DOCK2: variants seen among roughly 807,000 people sequenced by gnomAD.
DOCK2 encodes the protein dedicator of cytokinesis 2, also known as dedicator of cytokinesis protein 2.
Under a neutral mutation model 248.9 loss-of-function variants are expected in DOCK2, and 87 were observed. The ratio of observed to expected loss-of-function variants is 0.35; its 90% CI spans 0.29 to 0.42. The LOEUF (loss-of-function observed/expected upper bound fraction) is 0.42. Among genes scored for constraint, DOCK2 ranks in the 10% least tolerant of loss-of-function variants. The probability of loss-of-function intolerance (pLI) is 1.00; values close to 1 mark genes in which losing one functional copy is unlikely to be tolerated. For synonymous variants in DOCK2, 805 were observed against 821.6 expected, an observed-to-expected ratio of 0.98 and a Z score of 0.35; for missense variants, 1,747 against 2,300.2, an observed-to-expected ratio of 0.76 and a Z score of 4.92.
chr5:169,684,246 C>A lies in DOCK2; in HGVS notation c.657C>A (p.Pro219=), dbSNP rs34039776. The part of the protein sequence containing the change: ...YAMYSRISSS[P]THSLYVFVRN... ...TGTATTCCCGGATCTCCTCATCCCC[C>A]ACCCATAGCCTCTATGTGTTTGTGA... Residue 219 remains proline (P), a synonymous_variant, in exon 8 of 52, where the codon CCC becomes CCA. Coordinates refer to ENST00000520908, the MANE Select transcript of DOCK2 (RefSeq NM_004946.3). 1.2e-6 allele frequency: 2 copies of A among 1,614,202 alleles called. No individual in the cohort carries two copies. Among genetic ancestry groups the A allele is most frequent in the Middle Eastern group, 1.6e-4 (1 of 6,062 alleles).
intron 5 of DOCK2, among the ~76,000 whole-genome samples, 192 bp downstream of exon 5, chr5:169,671,366 A>T (rs1759044805): frequency 1.3e-5 from 2 of 152,218 alleles, no homozygotes; most frequent in Admixed American, 1.3e-4. Context: ...AGAGCTAGTG[A>T]CAGAGCCATA....
intron 27 of DOCK2, chr5:169,934,760 A>G: frequency 2.2e-6 from 1 of 454,680 alleles, no homozygotes; most frequent in Non-Finnish European, 4.4e-6. Context: ...TGCTCAGTAA[A>G]TGCTAGTTAT....
intron 22 of DOCK2, among the ~76,000 whole-genome samples, chr5:169,742,685 G>A (rs1469770357): frequency 6.6e-6 from 1 of 152,188 alleles, no homozygotes; most frequent in Non-Finnish European, 1.5e-5. Context: ...CCTGAGGTTG[G>A]CATCTCAGTT....
intron 27 of DOCK2, among the ~76,000 whole-genome samples, chr5:169,909,092 A>G (rs1774452506): frequency 6.6e-6 from 1 of 152,180 alleles, no homozygotes; most frequent in Non-Finnish European, 1.5e-5. Flanking sequence ...TGCTGATGTG[A>G]GGAGAGTCTG....
chr5:169,694,061 G>A (rs772521752), intron 9 of DOCK2, among the ~76,000 whole-genome samples: 33 of 152,278 alleles, frequency 2.2e-4, no homozygotes, highest in East Asian at 9.6e-4. Flanking sequence ...AAATTTAACC[G>A]TCATGGTCCC....
chr5:169,709,393 T>A (rs1224574987), intron 15 of DOCK2, among the ~76,000 whole-genome samples: 1 of 152,120 alleles, frequency 6.6e-6, no homozygotes, highest in Admixed American at 6.6e-5. Context: ...GAATACTAAG[T>A]GGTGTTTTAT....
rs1178467058 is a variant in DOCK2 at position 169,764,731 on chromosome 5, T to C, written c.2554+3106T>C. Among the ~76,000 whole-genome samples the C allele has an allele frequency of 1.3e-5, 2 of 152,206 alleles. No homozygotes were observed. Among genetic ancestry groups the C allele is most frequent in the African/African-American group, 4.8e-5 (2 of 41,450 alleles). ...AATAAGGGCATCCCTTAACGTTTGA[T>C]AGTTGCACACAACCCTCAACTACAT... On this transcript the variant is annotated intron_variant, in intron 25 of 51. Coordinates refer to ENST00000520908, the MANE Select transcript of DOCK2 (RefSeq NM_004946.3). This position sits in a 1 kb window ranked among gnomAD's most constrained non-coding sequence, Gnocchi z 4.3.
chr5:169,996,657 G>A (rs1754648225), intron 30 of DOCK2, among the ~76,000 whole-genome samples: 1 of 152,160 alleles, frequency 6.6e-6, no homozygotes, highest in Non-Finnish European at 1.5e-5. Context: ...GGGGCAAACA[G>A]AATGACACAC....
At chr5:169,710,475 C>CA in intron 15 of DOCK2, among the ~76,000 whole-genome samples, 1 of 152,184 alleles carries the variant, frequency 6.6e-6, no homozygotes, top group Non-Finnish European at 1.5e-5. Context: ...TGGAATAATT[C>CA]CTTGACAGAA....
At chr5:169,942,462 T>C (rs1375915348) in intron 27 of DOCK2, among the ~76,000 whole-genome samples, 2 of 152,210 alleles carry the variant, frequency 1.3e-5, no homozygotes, top group African/African-American at 4.8e-5. Context: ...GCCACACAGA[T>C]GTTCAAGTGG....
intron 27 of DOCK2, among the ~76,000 whole-genome samples, chr5:169,936,308 A>G (rs1165764420): frequency 1.4e-4 from 22 of 152,176 alleles, no homozygotes; most frequent in Admixed American, 1.4e-3. Context: ...AGGCTGCAGC[A>G]AGGGCAGTGG....
chr5:169,700,943 G>GAGGAAGAA (rs1760934394), intron 13 of DOCK2, among the ~76,000 whole-genome samples: 1 of 150,270 alleles, frequency 6.7e-6, no homozygotes. Context: ...AAAAGAAGGA[G>GAGGAAGAA]AGAAAGAAAG....
intron 27 of DOCK2, chr5:169,882,654 T>G (rs1581351322): frequency 3.9e-6 from 6 of 1,552,110 alleles, no homozygotes; most frequent in Non-Finnish European, 4.4e-6. Context: ...CAGATTGCAG[T>G]CGGCCTTGGA....
At chr5:170,010,790 C>T (rs1395132984) in intron 32 of DOCK2, among the ~76,000 whole-genome samples, 4 of 152,186 alleles carry the variant, frequency 2.6e-5, no homozygotes, top group African/African-American at 9.7e-5. Flanking sequence ...GGCTTCCTTC[C>T]CCAGCTCGAC....
chr5:169,845,476 T>C (rs1422720567), intron 27 of DOCK2, among the ~76,000 whole-genome samples: 1 of 152,158 alleles, frequency 6.6e-6, no homozygotes, highest in Non-Finnish European at 1.5e-5. Flanking sequence ...TGGCGTGCAG[T>C]GGGTACCCAA....
intron 2 of DOCK2, among the ~76,000 whole-genome samples, chr5:169,662,142 A>G (rs1391437870): frequency 1.3e-5 from 2 of 152,098 alleles, no homozygotes; most frequent in Non-Finnish European, 2.9e-5. Context: ...TGACTTTTTG[A>G]TAATAGCCAT....
chr5:169,823,923 T>G (rs935893056), intron 26 of DOCK2, among the ~76,000 whole-genome samples: 3 of 152,306 alleles, frequency 2.0e-5, no homozygotes, highest in Admixed American at 6.5e-5. Context: ...TTCAGCAAAG[T>G]CTCAGGATAC....
chr5:169,729,313 C>G (rs1762643917), intron 22 of DOCK2, among the ~76,000 whole-genome samples: 1 of 152,184 alleles, frequency 6.6e-6, no homozygotes, highest in South Asian at 2.1e-4. Flanking sequence ...GCAGGCATCA[C>G]CCCGAAGGAG....
At chr5:169,697,105 C>T (rs1760677185) in intron 10 of DOCK2, among the ~76,000 whole-genome samples, 1 of 152,006 alleles carries the variant, frequency 6.6e-6, no homozygotes, top group Admixed American at 6.6e-5. Context: ...TGTCAGATGA[C>T]AGAAATCTGA....
Sources: allele counts gnomAD v4.1 joint callset (sites outside exome capture counted in the v4.1 genomes callset), GRCh38; gene constraint gnomAD v4.1.1; non-coding constraint Gnocchi (gnomAD v3.1); transcripts MANE v1.5; gene names NCBI Gene and HGNC (gene_info 2026-07-23, HGNC 2026-07-21).